Variants in SPIDR observed in about 807,000 individuals in gnomAD.
SPIDR encodes DNA repair-scaffolding protein.
A neutral mutation model predicts 104.6 loss-of-function variants in SPIDR; 93 were observed. The ratio of observed to expected loss-of-function variants is 0.89; its 90% CI spans 0.75 to 1.06. The LOEUF is 1.06. SPIDR is among the 50% of genes least tolerant of loss of function. The pLI, the probability that SPIDR is intolerant of heterozygous loss-of-function variation, is 0.00. For missense variants in SPIDR, 1,154 were observed against 1,111.2 expected (o/e 1.04, Z -0.55); for synonymous variants, 431 against 416.9 (o/e 1.03, Z -0.41).
intron 11 of SPIDR, among the ~76,000 whole-genome samples, chr8:47,675,813 A>C (rs1305999288): frequency 6.6e-6 from 1 of 152,244 alleles, no homozygotes; most frequent in Non-Finnish European, 1.5e-5. Flanking sequence ...ACTCTATCTC[A>C]AAAAGAAAAG....
intron 5 of SPIDR, among the ~76,000 whole-genome samples, chr8:47,370,826 A>C (rs2057915958): frequency 6.6e-6 from 1 of 152,060 alleles, no homozygotes; most frequent in East Asian, 1.9e-4. Flanking sequence ...TATGAAAAAA[A>C]AATTTTAAGT....
intron 10 of SPIDR, among the ~76,000 whole-genome samples, chr8:47,667,614 A>T (rs184312565): frequency 1.0e-3 from 152 of 152,286 alleles, no homozygotes; most frequent in Admixed American, 2.4e-3. Flanking sequence ...AAAATGGAAA[A>T]AAAGATTATA....
chr8:47,632,855 A>G (rs1183743949), intron 10 of SPIDR, among the ~76,000 whole-genome samples: 1 of 152,174 alleles, frequency 6.6e-6, no homozygotes, highest in Non-Finnish European at 1.5e-5. Flanking sequence ...CAGTATCTCC[A>G]AGGGTGGGTG....
chr8:47,488,260 G>A (rs2078044476), intron 8 of SPIDR, among the ~76,000 whole-genome samples: 1 of 152,284 alleles, frequency 6.6e-6, no homozygotes, highest in African/African-American at 2.4e-5. Flanking sequence ...AGAAGAAATG[G>A]ATAAATTCCT....
chr8:47,466,904 T>C (rs62539102), intron 8 of SPIDR, among the ~76,000 whole-genome samples: 1 of 112,616 alleles, frequency 8.9e-6, no homozygotes, highest in East Asian at 2.6e-4. Flanking sequence ...AAAAAAAATA[T>C]ATATATATAT....
chr8:47,355,332 T>G (rs1407035150), intron 5 of SPIDR, among the ~76,000 whole-genome samples: 1 of 151,534 alleles, frequency 6.6e-6, no homozygotes, highest in Non-Finnish European at 1.5e-5. Flanking sequence ...ATTTTTTTTT[T>G]TTTTGCTCAT....
intron 5 of SPIDR, among the ~76,000 whole-genome samples, chr8:47,390,560 G>C (rs1207613722): frequency 1.4e-5 from 2 of 146,262 alleles, no homozygotes; most frequent in Admixed American, 6.8e-5. Context: ...GGCATAGAAA[G>C]AGAAATATAG....
chr8:47,483,673 A>G (rs1447178248), intron 8 of SPIDR, among the ~76,000 whole-genome samples: 1 of 152,190 alleles, frequency 6.6e-6, no homozygotes, highest in Non-Finnish European at 1.5e-5. Flanking sequence ...AGGTTAATGT[A>G]TGCTCTTTTT....
intron 10 of SPIDR, among the ~76,000 whole-genome samples, chr8:47,621,160 T>G (rs2154434849): frequency 6.6e-6 from 1 of 152,104 alleles, no homozygotes; most frequent in Non-Finnish European, 1.5e-5. Flanking sequence ...TTTCACCATG[T>G]TGGCCAGGAT....
intron 8 of SPIDR, among the ~76,000 whole-genome samples, chr8:47,507,289 C>T (rs1042851688): frequency 2.6e-5 from 4 of 152,198 alleles, no homozygotes; most frequent in African/African-American, 4.8e-5. Context: ...GCCCATAAAG[C>T]GTCTTCCCAA....
intron 5 of SPIDR, among the ~76,000 whole-genome samples, chr8:47,347,238 T>C (rs1404109771): frequency 6.6e-6 from 1 of 152,236 alleles, no homozygotes; most frequent in East Asian, 1.9e-4. Flanking sequence ...TTGTTCAGTT[T>C]CCATGTAGTT....
intron 10 of SPIDR, among the ~76,000 whole-genome samples, chr8:47,636,864 A>T (rs2068008091): frequency 1.3e-5 from 2 of 151,960 alleles, no homozygotes; most frequent in Non-Finnish European, 1.5e-5. Context: ...ATTTGGAAAC[A>T]TTTACTAGTG....
chr8:47,589,022 G>GTTTTTTTTT (rs1168001066), intron 8 of SPIDR, among the ~76,000 whole-genome samples: 15 of 89,060 alleles, frequency 1.7e-4, no homozygotes, highest in African/African-American at 3.7e-4. Context: ...TTTATAGTTT[G>GTTTTTTTTT]TTTTTTTTTT....
intron 10 of SPIDR, among the ~76,000 whole-genome samples, chr8:47,638,807 C>G (rs2068372509): frequency 6.6e-6 from 1 of 152,188 alleles, no homozygotes; most frequent in Non-Finnish European, 1.5e-5. Flanking sequence ...TGGTGGGCCT[C>G]ACTTTTCCTT....
intron 10 of SPIDR, among the ~76,000 whole-genome samples, chr8:47,629,663 G>A (rs1011516649): frequency 6.6e-6 from 1 of 152,212 alleles, no homozygotes; most frequent in Non-Finnish European, 1.5e-5. Context: ...TGAAGCAAGA[G>A]AACCATTGAA....
chr8:47,546,893 G>A, intron 8 of SPIDR: 3 of 433,116 alleles, frequency 6.9e-6, no homozygotes, highest in Non-Finnish European at 1.3e-5. Flanking sequence ...GAAATTAATG[G>A]TTTGTTGCCC....
At chr8:47,435,472 T>C (rs2068122223) in intron 7 of SPIDR, among the ~76,000 whole-genome samples, 1 of 152,228 alleles carries the variant, frequency 6.6e-6, no homozygotes, top group Non-Finnish European at 1.5e-5. Flanking sequence ...TGTCCATTTT[T>C]AACTAAGAAT....
chr8:47,502,994 C>G (rs891453120), intron 8 of SPIDR, among the ~76,000 whole-genome samples: 12 of 152,174 alleles, frequency 7.9e-5, no homozygotes, highest in African/African-American at 2.9e-4. Context: ...GCACTGTGGT[C>G]TGAGAGAGAG....
At chr8:47,672,259 C>A (rs545851384) in intron 10 of SPIDR, among the ~76,000 whole-genome samples, 12 of 152,166 alleles carry the variant, frequency 7.9e-5, no homozygotes, top group Non-Finnish European at 1.6e-4. Flanking sequence ...CTATGGCCAG[C>A]CCCACTTGGT....
Sources: allele counts gnomAD v4.1 joint callset (sites outside exome capture counted in the v4.1 genomes callset), GRCh38; gene constraint gnomAD v4.1.1; transcripts MANE v1.5; gene names NCBI Gene and HGNC (gene_info 2026-07-23, HGNC 2026-07-21).